The following ALDH1A3 variants were observed in gnomAD, a reference collection of about 807,000 sequenced individuals.
ALDH1A3 encodes retinaldehyde dehydrogenase 3.
ALDH1A3 carries 28 observed loss-of-function variants against 57.5 expected under a neutral mutation model. The ratio of observed to expected loss-of-function variants is 0.49; its 90% confidence interval spans 0.36 to 0.67. ALDH1A3 has a LOEUF of 0.67. Ranked by LOEUF, ALDH1A3 falls within the 30% of genes least tolerant of loss-of-function variation. The probability of loss-of-function intolerance (pLI) is 0.00; values close to 1 mark genes in which losing one functional copy is unlikely to be tolerated. For synonymous variants in ALDH1A3, 281 were observed against 264.8 expected, an observed-to-expected ratio of 1.06 and a Z score of -0.59; for missense variants, 507 against 669.4, an observed-to-expected ratio of 0.76 and a Z score of 2.68.
rs769240976 is a variant in ALDH1A3, at chr15:100,892,977, C to G, written c.508C>G (p.Pro170Ala). The G allele has an allele frequency of 3.1e-6, 5 of 1,614,132 alleles. No homozygotes were observed. Among genetic ancestry groups the G allele is most frequent in the Non-Finnish European group, 4.2e-6 (5 of 1,179,994 alleles). The change falls in exon 5 of 13, where the codon CCC becomes GCC. Residue 170 changes from proline to alanine, a missense_variant. Pro to Ala is a conservative substitution (Grantham distance 27, BLOSUM62 -1). Transcript: ENST00000329841. Reference protein sequence around the residue: ...DNVVCFTRHEPIGVCGAITPW... With the variant: ...DNVVCFTRHEAIGVCGAITPW... ...CGTCGTGTGCTTCACCAGGCATGAG[C>G]CCATTGGTGTCTGTGGGGCCATCAC...
intron 9 of ALDH1A3, among the ~76,000 whole-genome samples, chr15:100,901,069 CA>C (rs1376629172): frequency 6.6e-6 from 1 of 152,186 alleles, no homozygotes; most frequent in Admixed American, 6.5e-5. Flanking sequence ...TGGCTGAAGG[CA>C]GCAGAGTGCA....
intron 12 of ALDH1A3, chr15:100,913,219 T>C (rs553601574): frequency 4.6e-5 from 7 of 152,094 alleles, no homozygotes; most frequent in Non-Finnish European, 1.0e-4. Flanking sequence ...ATTCAGTAAG[T>C]TTATTAGTCT....
intron 12 of ALDH1A3, among the ~76,000 whole-genome samples, chr15:100,911,002 G>A (rs531915368): frequency 3.9e-5 from 6 of 152,348 alleles, no homozygotes; most frequent in Admixed American, 1.3e-4. Context: ...GCTTGGTGAG[G>A]ACTCACTGGA....
chr15:100,890,009 T>C (rs541030833), intron 3 of ALDH1A3, among the ~76,000 whole-genome samples: 10 of 152,368 alleles, frequency 6.6e-5, no homozygotes, highest in Admixed American at 1.3e-4. Context: ...TTTATTTCTG[T>C]GCTCAGTGTC....
At chr15:100,911,231 G>A (rs1312059107) in intron 12 of ALDH1A3, among the ~76,000 whole-genome samples, 1 of 152,216 alleles carries the variant, frequency 6.6e-6, no homozygotes, top group African/African-American at 2.4e-5. Flanking sequence ...TAATGCTGGA[G>A]CATCGTGCGG....
intron 10 of ALDH1A3, 69 bp downstream of exon 10, chr15:100,905,756 A>G: frequency 1.4e-6 from 2 of 1,414,730 alleles, no homozygotes; most frequent in African/African-American, 2.9e-5. Flanking sequence ...CCTAGGGCCC[A>G]GGGATCCCAG....
At position 100,893,458 on chromosome 15, in the gene ALDH1A3, GT is replaced by G. The variant is rs2041671678; in HGVS notation, c.537+453del. On this transcript the variant is annotated intron_variant, in intron 5 of 12. Transcript: ENST00000329841. The surrounding 1 kb of genome is among the most constrained non-coding windows in gnomAD (Gnocchi z 4.8). ...AAAGTGAGGAAAAGGGTGAGCACAC[GT>G]GGCAGGTGGTGTGGGCCAGCTTCCA... 1 of 171,964 alleles carries G rather than the reference GT, an allele frequency of 5.8e-6. No homozygotes were observed. The highest frequency in any genetic ancestry group is 1.2e-5 in the Non-Finnish European group (1 of 80,608). 10.7% of individuals were successfully genotyped at this position (171,964 alleles called of 1,614,324 possible). A position where few individuals can be genotyped will look rare whatever the true frequency, so the allele number is the denominator to read the frequency against.
At chr15:100,902,990 C>T (rs1038925623) in intron 9 of ALDH1A3, among the ~76,000 whole-genome samples, 5 of 152,202 alleles carry the variant, frequency 3.3e-5, no homozygotes, top group Non-Finnish European at 7.3e-5. Context: ...GAACTGTTAA[C>T]CTGAGACTTG....
chr15:100,910,079 C>T (rs1430138017), intron 12 of ALDH1A3, among the ~76,000 whole-genome samples: 2 of 152,172 alleles, frequency 1.3e-5, no homozygotes, highest in Admixed American at 1.3e-4. Flanking sequence ...GCTTCCATCC[C>T]CAAACAGATG....
rs769874094 is a variant in ALDH1A3 at position 100,892,496 on chromosome 15, T to C, written c.346-14T>C. 4 of 1,609,176 alleles carry C rather than the reference T, an allele frequency of 2.5e-6. No homozygotes were observed. The South Asian group carries it at 3.3e-5, about 13-fold the overall frequency. The stretch of plus-strand genomic sequence containing the variant: ...CAAGCTATGTCCGAAACAGACATCA[T>C]CTTGTTATTGCAGGCCCTGGAGACG... On this transcript the variant is annotated splice_polypyrimidine_tract_variant and intron_variant, in intron 3 of 12. Transcript: ENST00000329841.
Position 100,898,085 on chromosome 15 carries a change from T to G in ALDH1A3, c.783T>G (p.Val261=). 1.2e-6 allele frequency: 2 copies of G among 1,613,834 alleles called. No individual in the cohort carries two copies. The highest frequency in any genetic ancestry group is 1.7e-6 in the Non-Finnish European group (2 of 1,179,836). The change falls in exon 8 of 13, where the codon GTT becomes GTG. Residue 261 remains valine, a splice_region_variant and synonymous_variant. Transcript: ENST00000329841. The part of the protein sequence containing the change: ...NKIAFTGSTE[V]GKLVKEAASR... ...GTGATCTGTGTTCTGTCCTGGAGGT[T>G]GGAAAACTGGTTAAAGAAGCTGCGT...
At chr15:100,900,021 ATCTTATTC>A (rs1203854863) in intron 8 of ALDH1A3, among the ~76,000 whole-genome samples, 1 of 152,206 alleles carries the variant, frequency 6.6e-6, no homozygotes, top group Non-Finnish European at 1.5e-5. Flanking sequence ...GTCCCCCAAG[ATCTTATTC>A]TCTAAATACC....
rs558089625 is a variant in ALDH1A3 at position 100,902,301 on chromosome 15, G to A, written c.1068+1542G>A. 4.6e-5 allele frequency among the ~76,000 whole-genome samples: 7 copies of A among 152,280 alleles called. No homozygotes were observed. The South Asian group carries it at 8.3e-4, about 18-fold the overall frequency. The stretch of plus-strand genomic sequence containing the variant: ...ATTTCATCAGTGCATTTATGCCACC[G>A]CTCAAAGTCCTTCTGAAAGCTCACT... On this transcript the variant is annotated intron_variant, in intron 9 of 12. Coordinates refer to ENST00000329841, the MANE Select transcript of ALDH1A3 (RefSeq NM_000693.4).
At chr15:100,897,958 G>T in intron 7 of ALDH1A3, 125 bp from the exon 8 acceptor site, 1 of 770,182 alleles carries the variant, frequency 1.3e-6, no homozygotes, top group Non-Finnish European at 2.2e-6. Context: ...GGCCTGGAGC[G>T]CCTGGGCCGA....
At chr15:100,897,654 C>CACAGAA in intron 7 of ALDH1A3, among the ~76,000 whole-genome samples, 1 of 152,280 alleles carries the variant, frequency 6.6e-6, no homozygotes, top group Non-Finnish European at 1.5e-5. Flanking sequence ...CACAGAACCA[C>CACAGAA]CCCCCTACTG....
rs1237657024 is a variant in ALDH1A3, at chr15:100,887,349, CCTCAAAA to C, written c.205-222_205-216del. Among the ~76,000 whole-genome samples the C allele has an allele frequency of 2.3e-4, 33 of 145,266 alleles. 1 individual carries two copies. Among genetic ancestry groups the C allele is most frequent in the African/African-American group, 3.9e-4 (16 of 40,956 alleles). ...AAAGATGACACCCAAACTGCAGTCA[CCTCAAAA>C]GATGACACCCAAACTGCAGTCACCT... is the stretch of plus-strand genomic sequence containing the variant. On this transcript the variant is annotated intron_variant, in intron 2 of 12. Transcript: ENST00000329841. This position sits in a 1 kb window ranked among gnomAD's most constrained non-coding sequence, Gnocchi z 4.6.
chr15:100,895,852 C>T, intron 6 of ALDH1A3, 81 bp from the exon 7 acceptor site: 1 of 1,255,716 alleles, frequency 8.0e-7, no homozygotes, highest in East Asian at 2.5e-5. Context: ...TGTGAGGCAG[C>T]CACGGCTCTC....
intron 2 of ALDH1A3, among the ~76,000 whole-genome samples, chr15:100,885,874 A>G (rs906568742): frequency 9.2e-5 from 14 of 152,228 alleles, no homozygotes; most frequent in Admixed American, 6.5e-5. Context: ...AGAAATTTAC[A>G]TGAGCATGGA....
Sources: gnomAD v4.1 joint callset for allele counts (sites outside exome capture counted in the v4.1 genomes callset) on GRCh38, gnomAD v4.1.1 for gene constraint, Gnocchi (gnomAD v3.1) non-coding constraint, MANE v1.5 for transcripts, NCBI Gene and HGNC (gene_info 2026-07-23, HGNC 2026-07-21) for gene names.